PCDHGB1: variants seen among roughly 807,000 people sequenced by gnomAD.
PCDHGB1 encodes protocadherin gamma-B1.
In PCDHGB1, 34 loss-of-function variants were observed where a neutral mutation model predicts 56.6. The observed-to-expected ratio is 0.60, with a 90% CI of 0.46 to 0.80. PCDHGB1 has a LOEUF of 0.80. Ranked by LOEUF, PCDHGB1 falls within the 30% of genes least tolerant of loss-of-function variation. The pLI, the probability that PCDHGB1 is intolerant of heterozygous loss-of-function variation, is 0.00. For missense variants in PCDHGB1, 1,278 were observed against 1,204.6 expected (o/e 1.06, Z -0.90); for synonymous variants, 561 against 505.9 (o/e 1.11, Z -1.46).
At chr5:141,478,444 T>C (rs1190996745) in intron 1 of PCDHGB1, 1 of 1,613,478 alleles carries the variant, frequency 6.2e-7, no homozygotes, top group Non-Finnish European at 8.5e-7. Flanking sequence ...TGAAGAAACC[T>C]GGTGCAGCCA....
intron 3 of PCDHGB1, among the ~76,000 whole-genome samples, chr5:141,509,952 C>T (rs954730777): frequency 7.2e-5 from 11 of 152,186 alleles, no homozygotes; most frequent in African/African-American, 2.2e-4. Flanking sequence ...CAAATGCTAC[C>T]GGGTATGGCC....
chr5:141,387,614 T>C (rs2091011587), intron 1 of PCDHGB1: 9 of 565,798 alleles, frequency 1.6e-5, no homozygotes, highest in Non-Finnish European at 2.8e-5. Flanking sequence ...TGTAGTTTCC[T>C]AGTGCTGACT....
rs1345800081 is a variant in PCDHGB1, at chr5:141,485,453, G to A, written c.2410-9354G>A. 1 of 1,614,176 alleles carries A rather than the reference G, an allele frequency of 6.2e-7. No homozygotes were observed. The highest frequency in any genetic ancestry group is 8.5e-7 in the Non-Finnish European group (1 of 1,180,036). On this transcript the variant is annotated intron_variant, in intron 1 of 3. Transcript: ENST00000523390. The surrounding 1 kb of genome is among the most constrained non-coding windows in gnomAD (Gnocchi z 5.7). ...CATCAAGAACCCAATCGACCGAGAG[G>A]CACTGTGTGGGCTCAGTGCCAGCTG...
At position 141,361,465 on chromosome 5, in the gene PCDHGB1, G is replaced by A. The variant is rs548966955; in HGVS notation, c.2409+8796G>A. ...CATAATTGTCACCCTGCACATCTCC[G>A]ACGTCAACGATAATGCCCCAGTTTT... On this transcript the variant is annotated intron_variant, in intron 1 of 3. Transcript: ENST00000523390. 2.4e-4 allele frequency: 384 copies of A among 1,613,986 alleles called. 5 individuals carry two copies. The East Asian group carries it at 8.3e-3, about 35-fold the overall frequency.
intron 1 of PCDHGB1, chr5:141,376,117 C>G: frequency 6.2e-7 from 1 of 1,613,848 alleles, no homozygotes; most frequent in Non-Finnish European, 8.5e-7. Context: ...TGGGCAGCCT[C>G]GAGCCCTCCG....
In PCDHGB1 at chr5:141,438,621, TATATATATATATATACACAC is replaced by T. The variant is rs1185208192; in HGVS notation, c.2410-56184_2410-56165del. Among the ~76,000 whole-genome samples, 212 of 41,372 alleles carry T rather than the reference TATATATATATATATACACAC, an allele frequency of 5.1e-3. 1 individual carries two copies. The highest frequency in any genetic ancestry group is 0.03 in the African/African-American group (177 of 5,808). 27.1% of individuals were successfully genotyped at this position (41,372 alleles called of 152,430 possible). On this transcript the variant is annotated intron_variant, in intron 1 of 3. Transcript: ENST00000523390. ...ATATATATATATATATATATATATA[TATATATATATATATACACAC>T]ACACACACACATATATGTATATATA...
intron 1 of PCDHGB1, chr5:141,365,363 C>G (rs1305690731): frequency 1.2e-6 from 2 of 1,613,900 alleles, no homozygotes; most frequent in Middle Eastern, 1.6e-4. Flanking sequence ...TGACAATGCC[C>G]CCGAAGTGAT....
intron 1 of PCDHGB1, among the ~76,000 whole-genome samples, chr5:141,463,128 A>G (rs914895217): frequency 1.5e-4 from 23 of 152,190 alleles, no homozygotes; most frequent in Admixed American, 1.4e-3. Context: ...GCTCCCTGGC[A>G]GTTCTTCGCC....
intron 1 of PCDHGB1, chr5:141,423,756 GGGGGT>G: frequency 1.1e-5 from 5 of 448,566 alleles, no homozygotes; most frequent in African/African-American, 2.8e-5. Context: ...TGTTTGGGGG[GGGGGT>G]GGGGCGGCAT....
chr5:141,505,334 G>T, intron 2 of PCDHGB1, 59 bp from the exon 3 acceptor site: 1 of 1,611,326 alleles, frequency 6.2e-7, no homozygotes, highest in Non-Finnish European at 8.5e-7. Context: ...GAGAGGACAG[G>T]AGGGGCATGA....
At chr5:141,480,653 T>C (rs1214823403) in intron 1 of PCDHGB1, among the ~76,000 whole-genome samples, 2 of 152,190 alleles carry the variant, frequency 1.3e-5, no homozygotes, top group Admixed American at 1.3e-4. Context: ...TGGTTGCACA[T>C]TAAAATCACC....
chr5:141,373,969 C>T, intron 1 of PCDHGB1: 2 of 1,010,234 alleles, frequency 2.0e-6, no homozygotes, highest in Non-Finnish European at 2.7e-6. Context: ...TGAAACGCTT[C>T]GCATCCGGTC....
Position 141,379,889 on chromosome 5 carries a change from C to CTTTTTTTTTTTTTTTTTTT in PCDHGB1, c.2409+27232_2409+27250dup, listed in dbSNP as rs70988800. ...CTTATTTTATGGTCTGTGAAAGCCT[C>CTTTTTTTTTTTTTTTTTTT]TTTTTTTTTTTTTTTTTTTTTTTTT... On this transcript the variant is annotated intron_variant, in intron 1 of 3. Transcript: ENST00000523390. Among the ~76,000 whole-genome samples, 178 of 50,830 alleles carry CTTTTTTTTTTTTTTTTTTT rather than the reference C, an allele frequency of 3.5e-3. 28 individuals are homozygous for CTTTTTTTTTTTTTTTTTTT. Among genetic ancestry groups the CTTTTTTTTTTTTTTTTTTT allele is most frequent in the Non-Finnish European group, 5.0e-3 (129 of 25,880 alleles). The allele number at this position is 50,830 out of a possible 152,430, so 33.3% of individuals were successfully genotyped here.
chr5:141,372,754 G>T, intron 1 of PCDHGB1: 6 of 1,613,022 alleles, frequency 3.7e-6, no homozygotes, highest in African/African-American at 1.3e-5. Context: ...GAAGCCTCTT[G>T]GTTTGAAAGT....
intron 1 of PCDHGB1, chr5:141,479,772 G>A (rs904607838): frequency 1.3e-5 from 2 of 152,192 alleles, no homozygotes; most frequent in Non-Finnish European, 2.9e-5. Flanking sequence ...CATATCCTTA[G>A]ACAGGTAAAG....
chr5:141,426,797 C>A (rs1487716495), intron 1 of PCDHGB1: 1 of 456,706 alleles, frequency 2.2e-6, no homozygotes, highest in Non-Finnish European at 4.4e-6. Context: ...GTTACCAGCT[C>A]AGTTCTAATG....
intron 1 of PCDHGB1, chr5:141,355,182 A>G: frequency 6.3e-7 from 1 of 1,584,970 alleles, no homozygotes; most frequent in South Asian, 1.1e-5. Flanking sequence ...AGCACAGGCG[A>G]CTCCGCGGCG....
intron 2 of PCDHGB1, among the ~76,000 whole-genome samples, chr5:141,497,735 C>T (rs1299892535): frequency 2.6e-5 from 4 of 152,144 alleles, no homozygotes; most frequent in Non-Finnish European, 4.4e-5. Flanking sequence ...AGATGGGTTT[C>T]GCCACGTTGG....
chr5:141,357,361 A>G, intron 1 of PCDHGB1: 1 of 1,614,126 alleles, frequency 6.2e-7, no homozygotes, highest in Non-Finnish European at 8.5e-7. Flanking sequence ...ACGCTGGCAC[A>G]AGTCACGCCT....
Sources: allele counts gnomAD v4.1 joint callset (sites outside exome capture counted in the v4.1 genomes callset), GRCh38; gene constraint gnomAD v4.1.1; non-coding constraint Gnocchi (gnomAD v3.1); transcripts MANE v1.5; gene names NCBI Gene and HGNC (gene_info 2026-07-23, HGNC 2026-07-21).